Variants in NR3C2 observed in about 807,000 individuals in gnomAD.
The protein encoded by NR3C2 is nuclear receptor subfamily 3 group C member 2, also known as mineralocorticoid receptor.
Under a neutral mutation model 86.4 loss-of-function variants are expected in NR3C2, and 15 were observed. The observed-to-expected ratio is 0.17, with a 90% confidence interval of 0.12 to 0.27. NR3C2 has a LOEUF of 0.27. Among genes scored for constraint, NR3C2 ranks in the 10% least tolerant of loss-of-function variants. NR3C2 has a pLI of 1.00. For missense variants in NR3C2, 960 were observed against 1,195.6 expected (o/e 0.80, Z 2.91); for synonymous variants, 458 against 450.5 (o/e 1.02, Z -0.21).
intron 2 of NR3C2, among the ~76,000 whole-genome samples, chr4:148,339,678 A>G (rs866285355): frequency 6.6e-6 from 1 of 152,198 alleles, no homozygotes; most frequent in Non-Finnish European, 1.5e-5. Flanking sequence ...AGGAAAAAAA[A>G]GTCCTTTCAC....
chr4:148,087,590 A>G (rs989375205), intron 8 of NR3C2, among the ~76,000 whole-genome samples: 4 of 152,322 alleles, frequency 2.6e-5, no homozygotes, highest in Non-Finnish European at 5.9e-5. Flanking sequence ...CTGATCTTTG[A>G]CAAACCTGAA....
chr4:148,133,813 C>A (rs1161331763), intron 6 of NR3C2, among the ~76,000 whole-genome samples: 2 of 152,098 alleles, frequency 1.3e-5, no homozygotes, highest in African/African-American at 2.4e-5. Context: ...TTGCAGTGTG[C>A]GAATGTGTTG....
chr4:148,399,942 T>G (rs1748058755), intron 2 of NR3C2, among the ~76,000 whole-genome samples: 1 of 152,188 alleles, frequency 6.6e-6, no homozygotes. Context: ...TTTAATGTCT[T>G]CCAAAAACAT....
chr4:148,281,707 T>C (rs1368323527), intron 2 of NR3C2, among the ~76,000 whole-genome samples: 2 of 152,244 alleles, frequency 1.3e-5, no homozygotes, highest in African/African-American at 4.8e-5. Context: ...TCATTATACC[T>C]CTCGATTCAG....
intron 6 of NR3C2, among the ~76,000 whole-genome samples, chr4:148,135,178 A>G (rs547654434): frequency 1.3e-5 from 2 of 152,174 alleles, no homozygotes; most frequent in Non-Finnish European, 1.5e-5. Context: ...GTGTCCCTCA[A>G]AATTCATATA....
chr4:148,350,307 T>C (rs1561057103), intron 2 of NR3C2, among the ~76,000 whole-genome samples: 1 of 152,188 alleles, frequency 6.6e-6, no homozygotes, highest in Non-Finnish European at 1.5e-5. Context: ...TTGCTGAATA[T>C]GGGAATTTCC....
At chr4:148,110,449 C>G (rs909903369) in intron 8 of NR3C2, among the ~76,000 whole-genome samples, 5 of 152,208 alleles carry the variant, frequency 3.3e-5, no homozygotes, top group African/African-American at 1.2e-4. Context: ...GTGATCAGAA[C>G]TAGGCTCTGA....
intron 2 of NR3C2, among the ~76,000 whole-genome samples, chr4:148,389,745 G>A (rs545530556): frequency 6.6e-5 from 10 of 151,730 alleles, no homozygotes; most frequent in African/African-American, 2.2e-4. Flanking sequence ...TGATTACACC[G>A]AGATTATCAA....
intron 2 of NR3C2, among the ~76,000 whole-genome samples, chr4:148,394,957 G>A (rs1747786639): frequency 6.6e-6 from 1 of 152,062 alleles, no homozygotes; most frequent in Non-Finnish European, 1.5e-5. Flanking sequence ...AGACGAAATT[G>A]TTCAGTTTGC....
intron 2 of NR3C2, among the ~76,000 whole-genome samples, chr4:148,317,797 T>A (rs1158860883): frequency 7.8e-6 from 1 of 128,544 alleles, no homozygotes. Context: ...TGAAATTAAG[T>A]CTATCTCATT....
chr4:148,156,521 A>T (rs953226526), intron 4 of NR3C2, among the ~76,000 whole-genome samples: 5 of 152,258 alleles, frequency 3.3e-5, no homozygotes, highest in African/African-American at 4.8e-5. Flanking sequence ...TCTCAAAAGA[A>T]GACATTTATG....
At chr4:148,326,556 G>T (rs575800912) in intron 2 of NR3C2, among the ~76,000 whole-genome samples, 55 of 152,222 alleles carry the variant, frequency 3.6e-4, no homozygotes, top group Non-Finnish European at 7.2e-4. Context: ...AGCTAGAGGT[G>T]GTCCAGACTA....
chr4:148,323,210 C>A (rs1024621273), intron 2 of NR3C2, among the ~76,000 whole-genome samples: 12 of 76,892 alleles, frequency 1.6e-4, no homozygotes, highest in Non-Finnish European at 3.7e-4. Flanking sequence ...GGGTCAGGGA[C>A]CCACTTGAGG....
At chr4:148,150,795 C>A (rs1359514694) in intron 6 of NR3C2, among the ~76,000 whole-genome samples, 1 of 152,110 alleles carries the variant, frequency 6.6e-6, no homozygotes, top group Non-Finnish European at 1.5e-5. Flanking sequence ...CTAATGAGGA[C>A]TGACTTGATA....
chr4:148,212,354 G>A (rs781532920), intron 3 of NR3C2, among the ~76,000 whole-genome samples: 8 of 152,224 alleles, frequency 5.3e-5, no homozygotes, highest in African/African-American at 1.4e-4. Context: ...AGAGCCTCAT[G>A]GAACCTACAT....
intron 2 of NR3C2, among the ~76,000 whole-genome samples, chr4:148,344,403 T>C (rs796946013): frequency 2.0e-4 from 31 of 152,252 alleles, no homozygotes; most frequent in African/African-American, 7.0e-4. Flanking sequence ...AAGCTAAACA[T>C]CAGGAATGGA....
chr4:148,124,254 C>T (rs1732645258), intron 6 of NR3C2, among the ~76,000 whole-genome samples: 2 of 151,926 alleles, frequency 1.3e-5, no homozygotes, highest in Non-Finnish European at 2.9e-5. Flanking sequence ...CCAAACCAAA[C>T]CAAACCAAAC....
chr4:148,343,931 G>A (rs1744869637), intron 2 of NR3C2, among the ~76,000 whole-genome samples: 1 of 152,122 alleles, frequency 6.6e-6, no homozygotes, highest in Non-Finnish European at 1.5e-5. Flanking sequence ...GAGGCCAGTT[G>A]TATTACTGTT....
At chr4:148,402,146 GGTCA>G (rs1748201073) in intron 2 of NR3C2, among the ~76,000 whole-genome samples, 1 of 152,080 alleles carries the variant, frequency 6.6e-6, no homozygotes, top group African/African-American at 2.4e-5. Flanking sequence ...CCAACGGTGT[GGTCA>G]GTGTTATATT....
Sources: allele counts gnomAD v4.1 joint callset (sites outside exome capture counted in the v4.1 genomes callset), GRCh38; gene constraint gnomAD v4.1.1; transcripts MANE v1.5; gene names NCBI Gene and HGNC (gene_info 2026-07-23, HGNC 2026-07-21).